UBTD2: variants seen among roughly 807,000 people sequenced by gnomAD.
UBTD2 encodes ubiquitin domain-containing protein 2.
A neutral mutation model predicts 19.8 loss-of-function variants in UBTD2; 9 were observed. The ratio of observed to expected loss-of-function variants is 0.46; its 90% CI spans 0.27 to 0.79. The LOEUF is 0.79. UBTD2 is among the 30% of genes least tolerant of loss of function. The pLI is 0.14. For synonymous variants in UBTD2, 98 were observed against 103.9 expected, an observed-to-expected ratio of 0.94 and a Z score of 0.35; for missense variants, 250 against 300.4, an observed-to-expected ratio of 0.83 and a Z score of 1.24.
At chr5:172,278,463 G>T (rs187187069) in intron 1 of UBTD2, among the ~76,000 whole-genome samples, 85 of 151,640 alleles carry the variant, frequency 5.6e-4, no homozygotes, top group African/African-American at 2.0e-3. Flanking sequence ...AGGTTGCAGC[G>T]AGCTGAGATC....
chr5:172,255,723 C>G (rs1048896271), intron 1 of UBTD2, among the ~76,000 whole-genome samples: 3 of 152,108 alleles, frequency 2.0e-5, no homozygotes, highest in Non-Finnish European at 4.4e-5. Flanking sequence ...GCAAGTCCCC[C>G]GGGGCTGGCA....
intron 1 of UBTD2, among the ~76,000 whole-genome samples, chr5:172,251,459 A>C: frequency 7.7e-6 from 1 of 129,472 alleles, no homozygotes; most frequent in African/African-American, 3.0e-5. Context: ...TTATAATCAA[A>C]CTGTCCAAAA....
chr5:172,257,059 G>C (rs1259333672), intron 1 of UBTD2, among the ~76,000 whole-genome samples: 1 of 152,050 alleles, frequency 6.6e-6, no homozygotes, highest in Non-Finnish European at 1.5e-5. Context: ...ATGTCACTGG[G>C]GTTTGGAGTA....
At chr5:172,245,486 G>A (rs901772065) in intron 1 of UBTD2, among the ~76,000 whole-genome samples, 7 of 152,118 alleles carry the variant, frequency 4.6e-5, no homozygotes, top group Non-Finnish European at 8.8e-5. Flanking sequence ...GCCAAGACAG[G>A]CGACTGCTTG....
chr5:172,280,975 A>T (rs149426786), intron 1 of UBTD2, among the ~76,000 whole-genome samples: 272 of 152,356 alleles, frequency 1.8e-3, no homozygotes, highest in African/African-American at 5.8e-3. Context: ...AGATTTTTTT[A>T]AAATCTTTTT....
chr5:172,248,203 T>C (rs529729882), intron 1 of UBTD2, among the ~76,000 whole-genome samples: 1 of 152,228 alleles, frequency 6.6e-6, no homozygotes, highest in Non-Finnish European at 1.5e-5. Context: ...AACAGTCACA[T>C]TAAAAGGGAA....
intron 1 of UBTD2, among the ~76,000 whole-genome samples, chr5:172,245,227 T>C (rs1012659984): frequency 1.3e-5 from 2 of 152,222 alleles, no homozygotes; most frequent in African/African-American, 4.8e-5. Flanking sequence ...CATGGAACCA[T>C]CTGGCAGTGC....
intron 1 of UBTD2, chr5:172,255,145 A>G: frequency 2.1e-6 from 1 of 468,940 alleles, no homozygotes; most frequent in South Asian, 1.9e-5. Context: ...GGAAGAAGGC[A>G]TGCTCAACCC....
intron 2 of UBTD2, 103 bp downstream of exon 2, chr5:172,234,015 AAGTT>A: frequency 8.5e-7 from 1 of 1,173,036 alleles, no homozygotes; most frequent in Non-Finnish European, 1.2e-6. Context: ...TTAAAAAAAA[AAGTT>A]AGAATAATTC....
At position 172,211,347 on chromosome 5, in the gene UBTD2, CCAAAACAAAA is replaced by C. The variant is rs67100133; in HGVS notation, c.*473_*482del. ...TACTGCTCTTTTCAGTTTCCATTAA[CCAAAACAAAA>C]CAAAACAAAACAAAACAAAACAAAA... On this transcript the variant is annotated 3_prime_UTR_variant, in exon 3 of 3. Transcript: ENST00000393792. 80,557 of 151,106 alleles carry C rather than the reference CCAAAACAAAA, an allele frequency of 0.53. 21,760 individuals carry two copies. Among genetic ancestry groups the C allele is most frequent in the South Asian group, 0.65 (3,069 of 4,730 alleles). 9.4% of individuals were successfully genotyped at this position (151,106 alleles called of 1,614,324 possible).
At position 172,211,889 on chromosome 5, in the gene UBTD2, A is replaced by T; in HGVS notation, c.646T>A (p.Tyr216Asn). ...TGGCTCACTATAACCTGTACAACAT[A>T]GTCCTTTGGGATCTTCAGCTCTTCG... ...KFEELKIPKDYVVQVIVSQPV... is the reference protein window; with the variant it reads ...KFEELKIPKDNVVQVIVSQPV... Residue 216 changes from tyrosine (Y) to asparagine (N), a missense_variant, in exon 3 of 3, where the codon TAT (tyrosine) becomes AAT (asparagine). Coordinates refer to ENST00000393792, the MANE Select transcript of UBTD2 (RefSeq NM_152277.3). The T allele has an allele frequency of 6.2e-7, 1 of 1,614,148 alleles. No homozygotes were observed. Among genetic ancestry groups the T allele is most frequent in the Non-Finnish European group, 8.5e-7 (1 of 1,180,034 alleles).
intron 1 of UBTD2, among the ~76,000 whole-genome samples, chr5:172,265,175 A>G (rs1211929595): frequency 2.6e-5 from 4 of 152,234 alleles, no homozygotes. Context: ...GCTCTTAACA[A>G]GCAAATTAGA....
At chr5:172,229,432 T>C (rs370174480) in intron 2 of UBTD2, among the ~76,000 whole-genome samples, 1,377 of 123,824 alleles carry the variant, frequency 0.011, 29 homozygotes, top group African/African-American at 0.041. Context: ...ACCCGGGAGG[T>C]GGAGCTTGCA....
intron 1 of UBTD2, among the ~76,000 whole-genome samples, chr5:172,236,118 T>C (rs973568096): frequency 3.3e-5 from 5 of 152,182 alleles, no homozygotes; most frequent in African/African-American, 4.8e-5. Context: ...ATATTCTCAA[T>C]AAAGACTGCC....
At chr5:172,270,267 T>G (rs1454938493) in intron 1 of UBTD2, among the ~76,000 whole-genome samples, 1 of 151,136 alleles carries the variant, frequency 6.6e-6, no homozygotes, top group African/African-American at 2.4e-5. Flanking sequence ...TTTAAATACA[T>G]TTCTTATGCT....
chr5:172,280,443 G>A (rs945379904), intron 1 of UBTD2, among the ~76,000 whole-genome samples: 3 of 149,576 alleles, frequency 2.0e-5, no homozygotes, highest in Non-Finnish European at 3.0e-5. Flanking sequence ...CTGGGAGGCA[G>A]AGGCTGCAGT....
chr5:172,246,193 C>T (rs998245012), intron 1 of UBTD2, among the ~76,000 whole-genome samples: 1 of 151,896 alleles, frequency 6.6e-6, no homozygotes, highest in Non-Finnish European at 1.5e-5. Context: ...AACTGAAATG[C>T]TAATCAAGAG....
intron 1 of UBTD2, among the ~76,000 whole-genome samples, chr5:172,251,327 G>A (rs114423045): frequency 2.7e-3 from 278 of 104,404 alleles, no homozygotes; most frequent in Middle Eastern, 9.3e-3. Context: ...AAAAAAAAAA[G>A]AAAATAGCCA....
At chr5:172,270,493 C>A (rs1034058417) in intron 1 of UBTD2, among the ~76,000 whole-genome samples, 1 of 151,224 alleles carries the variant, frequency 6.6e-6, no homozygotes, top group Admixed American at 6.6e-5. Context: ...GTAGCTGGGA[C>A]TACAGGCGCC....
Sources: gnomAD v4.1 joint callset for allele counts (sites outside exome capture counted in the v4.1 genomes callset) on GRCh38, gnomAD v4.1.1 for gene constraint, MANE v1.5 for transcripts, NCBI Gene and HGNC (gene_info 2026-07-23, HGNC 2026-07-21) for gene names.